FLVCR2: variants seen among roughly 807,000 people sequenced by gnomAD.
FLVCR2 encodes FLVCR choline and putative heme transporter 2, also known as choline/ethanolamine transporter FLVCR2.
Under a neutral mutation model 48.9 loss-of-function variants are expected in FLVCR2, and 38 were observed. The ratio of observed to expected loss-of-function variants is 0.78; its 90% CI spans 0.60 to 1.02. FLVCR2 has a LOEUF of 1.02. FLVCR2 is among the 50% of genes least tolerant of loss of function. The pLI, the probability that FLVCR2 is intolerant of heterozygous loss-of-function variation, is 0.00. For synonymous variants in FLVCR2, 255 were observed against 257.0 expected (o/e 0.99, Z 0.07); for missense variants, 664 against 663.3 (o/e 1.00, Z -0.01).
intron 3 of FLVCR2, chr14:75,632,778 G>A: frequency 2.8e-6 from 2 of 702,092 alleles, no homozygotes; most frequent in Non-Finnish European, 2.6e-6. Context: ...TTATGGAGTG[G>A]CAGTACTTAT....
chr14:75,625,132 G>A (rs1260851643), intron 3 of FLVCR2, among the ~76,000 whole-genome samples: 2 of 152,172 alleles, frequency 1.3e-5, no homozygotes, highest in African/African-American at 4.8e-5. Context: ...CTCTCTGAGT[G>A]TGGATTTATG....
Position 75,579,652 on chromosome 14 carries a change from C to T in FLVCR2, c.669+11C>T. On this transcript the variant is annotated intron_variant, in intron 1 of 9. Transcript: ENST00000238667. ...GTCTTTGGCAATCAGGTAGGTAGAA[C>T]AGTTTGTGAATGTTCCCAGGGGCGT... 6.2e-7 allele frequency: 1 copy of T among 1,614,008 alleles called. No homozygotes were observed. Among genetic ancestry groups the T allele is most frequent in the Non-Finnish European group, 8.5e-7 (1 of 1,179,968 alleles).
chr14:75,596,306 C>T, intron 1 of FLVCR2: 1 of 465,450 alleles, frequency 2.1e-6, no homozygotes, highest in Non-Finnish European at 3.9e-6. Flanking sequence ...GGGCTGGGAG[C>T]AGAAAACAAG....
intron 1 of FLVCR2, among the ~76,000 whole-genome samples, chr14:75,591,407 G>A (rs527923817): frequency 2.0e-5 from 3 of 152,312 alleles, no homozygotes; most frequent in African/African-American, 7.2e-5. Flanking sequence ...TTGCATCCTG[G>A]GCACACTAGT....
chr14:75,632,992 T>C, intron 3 of FLVCR2: 1 of 702,188 alleles, frequency 1.4e-6, no homozygotes, highest in African/African-American at 1.7e-5. Flanking sequence ...TGTATGACTT[T>C]GGGCAAATGA....
Position 75,646,805 on chromosome 14 carries a change from G to C in FLVCR2, c.*333G>C. 1 of 367,908 alleles carries C rather than the reference G, an allele frequency of 2.7e-6. No individual in the cohort carries two copies. The highest frequency in any genetic ancestry group is 5.3e-6 in the Non-Finnish European group (1 of 190,158). 22.8% of individuals were successfully genotyped at this position (367,908 alleles called of 1,614,324 possible). ...TCCCTCTTTTCCTCCATCCATCGTG[G>C]ACAATGCCTGCAAAATTTTCACAGG... On this transcript the variant is annotated 3_prime_UTR_variant, in exon 10 of 10. Transcript: ENST00000238667.
chr14:75,637,986 C>T (rs946773387), intron 5 of FLVCR2, among the ~76,000 whole-genome samples: 1 of 152,046 alleles, frequency 6.6e-6, no homozygotes, highest in African/African-American at 2.4e-5. Flanking sequence ...GATGGTACTC[C>T]TGAGGGGATC....
chr14:75,618,078 G>T (rs888593586), intron 1 of FLVCR2, among the ~76,000 whole-genome samples: 9 of 152,212 alleles, frequency 5.9e-5, no homozygotes, highest in African/African-American at 2.2e-4. Flanking sequence ...GCAGAACCTT[G>T]TGGGCTGTGC....
chr14:75,630,552 C>G (rs1421592366), intron 3 of FLVCR2, among the ~76,000 whole-genome samples: 2 of 152,130 alleles, frequency 1.3e-5, no homozygotes, highest in African/African-American at 4.8e-5. Flanking sequence ...CACCGGAACA[C>G]AGTTTGAATA....
intron 1 of FLVCR2, among the ~76,000 whole-genome samples, chr14:75,614,910 C>A (rs1177267795): frequency 6.6e-6 from 1 of 152,168 alleles, no homozygotes; most frequent in Non-Finnish European, 1.5e-5. Context: ...GAACTCACTA[C>A]CATGAGAATA....
chr14:75,591,550 G>T (rs937360263), intron 1 of FLVCR2, among the ~76,000 whole-genome samples: 5 of 152,020 alleles, frequency 3.3e-5, no homozygotes, highest in Admixed American at 2.6e-4. Context: ...GTACTCACAG[G>T]TTGGAATCAA....
chr14:75,616,047 A>AAAAAAAAAAAAG (rs1259725425), intron 1 of FLVCR2, among the ~76,000 whole-genome samples: 1 of 148,150 alleles, frequency 6.7e-6, no homozygotes, highest in Admixed American at 6.8e-5. Flanking sequence ...AAAAAAAAAA[A>AAAAAAAAAAAAG]ATAGCGTAAG....
chr14:75,622,338 G>C lies in FLVCR2; in HGVS notation c.811+118G>C, dbSNP rs111629282. ...AATACCATGGATATTTACAGAAACT[G>C]GAGTCTGGGCTTCTTATGGTCTTCA... On this transcript the variant is annotated intron_variant, in intron 2 of 9. Coordinates refer to ENST00000238667, the MANE Select transcript of FLVCR2 (RefSeq NM_017791.3). 40 of 1,068,160 alleles carry C rather than the reference G, an allele frequency of 3.7e-5. No homozygotes were observed. In the African/African-American group the frequency reaches 5.1e-4, roughly 14 times the overall value. 66.2% of individuals were successfully genotyped at this position (1,068,160 alleles called of 1,614,324 possible).
At chr14:75,644,013 G>A (rs1890360282) in intron 9 of FLVCR2, among the ~76,000 whole-genome samples, 1 of 150,890 alleles carries the variant, frequency 6.6e-6, no homozygotes, top group Admixed American at 6.6e-5. Context: ...ACTCCAGCCT[G>A]GGTGACAGAG....
chr14:75,582,481 G>A (rs1337820185), intron 1 of FLVCR2, among the ~76,000 whole-genome samples: 4 of 152,216 alleles, frequency 2.6e-5, no homozygotes, highest in Non-Finnish European at 5.9e-5. Context: ...TGTAGAGAGT[G>A]AGTTGAGCAT....
intron 1 of FLVCR2, chr14:75,596,006 G>A: frequency 1.3e-6 from 2 of 1,481,478 alleles, no homozygotes; most frequent in Non-Finnish European, 1.9e-6. Context: ...CGGTTGTCTT[G>A]CCACCACCAA....
intron 1 of FLVCR2, among the ~76,000 whole-genome samples, chr14:75,619,712 G>A (rs943449724): frequency 2.6e-5 from 4 of 152,194 alleles, no homozygotes; most frequent in Non-Finnish European, 5.9e-5. Flanking sequence ...CTTGAGAAAG[G>A]TTACCATGAG....
chr14:75,583,085 T>C (rs1030574770), intron 1 of FLVCR2, among the ~76,000 whole-genome samples: 1 of 152,044 alleles, frequency 6.6e-6, no homozygotes, highest in African/African-American at 2.4e-5. Context: ...TCAGGGTCAG[T>C]CCAAGTGAAA....
intron 2 of FLVCR2, among the ~76,000 whole-genome samples, chr14:75,623,410 A>G (rs546572339): frequency 6.6e-6 from 1 of 152,288 alleles, no homozygotes; most frequent in South Asian, 2.1e-4. Flanking sequence ...AACCAGCAAG[A>G]CAGAGGTTTT....
Sources: allele counts gnomAD v4.1 joint callset (sites outside exome capture counted in the v4.1 genomes callset), GRCh38; gene constraint gnomAD v4.1.1; transcripts MANE v1.5; gene names NCBI Gene and HGNC (gene_info 2026-07-23, HGNC 2026-07-21).